The following TIAM1 variants were observed in gnomAD, a reference collection of about 807,000 sequenced individuals.
TIAM1 encodes the protein TIAM Rac1 associated GEF 1, also known as rho guanine nucleotide exchange factor TIAM1.
Under a neutral mutation model 163.5 loss-of-function variants are expected in TIAM1, and 65 were observed. The ratio of observed to expected loss-of-function variants is 0.40; its 90% CI spans 0.33 to 0.49. The LOEUF is 0.49. Among genes scored for constraint, TIAM1 ranks in the 20% least tolerant of loss-of-function variants. The pLI is 0.77. For synonymous variants in TIAM1, 833 were observed against 810.1 expected (o/e 1.03, Z -0.48); for missense variants, 1,789 against 2,044.7 (o/e 0.87, Z 2.41).
intron 13 of TIAM1, among the ~76,000 whole-genome samples, chr21:31,192,067 G>A (rs79437695): frequency 6.6e-6 from 1 of 152,202 alleles, no homozygotes; most frequent in African/African-American, 2.4e-5. Context: ...ATAATAAGCC[G>A]CTCATAAACA....
At chr21:31,215,732 G>A (rs1413104293) in intron 9 of TIAM1, among the ~76,000 whole-genome samples, 1 of 151,978 alleles carries the variant, frequency 6.6e-6, no homozygotes, top group Non-Finnish European at 1.5e-5. Context: ...AAAACCCATG[G>A]AAGCAAGCTC....
intron 6 of TIAM1, among the ~76,000 whole-genome samples, chr21:31,244,388 T>A (rs1392069901): frequency 1.3e-5 from 2 of 152,184 alleles, no homozygotes; most frequent in African/African-American, 2.4e-5. Flanking sequence ...TTATAAAGAT[T>A]TGCTATGTCT....
At chr21:31,166,540 G>C (rs888337779) in intron 15 of TIAM1, among the ~76,000 whole-genome samples, 7 of 152,192 alleles carry the variant, frequency 4.6e-5, no homozygotes, top group Non-Finnish European at 1.0e-4. Flanking sequence ...TTCTTCTCTG[G>C]AATGAAGCAC....
intron 1 of TIAM1, among the ~76,000 whole-genome samples, chr21:31,496,884 TCA>T (rs2046677979): frequency 6.6e-6 from 1 of 152,158 alleles, no homozygotes; most frequent in South Asian, 2.1e-4. Flanking sequence ...GAGGATGGTT[TCA>T]GAATGAAGCT....
At chr21:31,332,804 A>T (rs1602003980) in intron 2 of TIAM1, among the ~76,000 whole-genome samples, 2 of 152,108 alleles carry the variant, frequency 1.3e-5, no homozygotes, top group African/African-American at 4.8e-5. Context: ...CAAAAAAAAA[A>T]AAAGTCTGTT....
At chr21:31,363,157 G>A (rs909827684) in intron 2 of TIAM1, among the ~76,000 whole-genome samples, 1 of 152,040 alleles carries the variant, frequency 6.6e-6, no homozygotes, top group African/African-American at 2.4e-5. Flanking sequence ...TTAAAACTGC[G>A]GACGTCAGCC....
At chr21:31,139,004 C>T (rs368397947) in intron 22 of TIAM1, among the ~76,000 whole-genome samples, 1 of 152,176 alleles carries the variant, frequency 6.6e-6, no homozygotes, top group Admixed American at 6.5e-5. Context: ...TTGCACATTT[C>T]TTTTTACAAT....
chr21:31,435,731 T>C (rs1386461073), intron 2 of TIAM1, among the ~76,000 whole-genome samples: 1 of 152,210 alleles, frequency 6.6e-6, no homozygotes, highest in Non-Finnish European at 1.5e-5. Flanking sequence ...TAATCTCCAA[T>C]GCAACAATGT....
intron 6 of TIAM1, among the ~76,000 whole-genome samples, chr21:31,231,403 T>C (rs992062952): frequency 1.3e-5 from 2 of 152,144 alleles, no homozygotes; most frequent in Non-Finnish European, 2.9e-5. Flanking sequence ...ATCTGATATG[T>C]TCTGTGGAAC....
chr21:31,330,468 T>C (rs1368028981), intron 2 of TIAM1, among the ~76,000 whole-genome samples: 6 of 152,216 alleles, frequency 3.9e-5, no homozygotes, highest in African/African-American at 1.4e-4. Context: ...GGACAGAGTT[T>C]CCCTCTGTAG....
intron 2 of TIAM1, among the ~76,000 whole-genome samples, chr21:31,426,162 C>G (rs1354642535): frequency 6.6e-6 from 1 of 152,112 alleles, no homozygotes; most frequent in Non-Finnish European, 1.5e-5. Flanking sequence ...GGTCTTTTAT[C>G]CCTCACCCAC....
At chr21:31,138,027 C>T (rs2082692289) in intron 22 of TIAM1, among the ~76,000 whole-genome samples, 1 of 151,724 alleles carries the variant, frequency 6.6e-6, no homozygotes, top group Admixed American at 6.6e-5. Context: ...CAGGGTGCTC[C>T]CTCTGGCCAC....
At chr21:31,238,427 G>A (rs1006175819) in intron 6 of TIAM1, among the ~76,000 whole-genome samples, 1 of 152,150 alleles carries the variant, frequency 6.6e-6, no homozygotes, top group African/African-American at 2.4e-5. Context: ...TCAAAACTAA[G>A]ATCCTACGTT....
At chr21:31,338,334 A>G (rs983001988) in intron 2 of TIAM1, among the ~76,000 whole-genome samples, 1 of 152,148 alleles carries the variant, frequency 6.6e-6, no homozygotes, top group African/African-American at 2.4e-5. Flanking sequence ...ACAGTCTCCT[A>G]TTGTGTTCAA....
At chr21:31,305,427 A>T (rs559346538) in intron 2 of TIAM1, among the ~76,000 whole-genome samples, 19 of 152,150 alleles carry the variant, frequency 1.2e-4, no homozygotes, top group South Asian at 4.1e-4. Context: ...AAAAATAAAA[A>T]AAAAAAAAAA....
chr21:31,482,905 A>AT (rs2046161242), intron 1 of TIAM1, among the ~76,000 whole-genome samples: 1 of 152,198 alleles, frequency 6.6e-6, no homozygotes, highest in Non-Finnish European at 1.5e-5. Flanking sequence ...CTACTGTGCC[A>AT]GGCCCTGGGC....
At position 31,453,943 on chromosome 21, in the gene TIAM1, C is replaced by A. The variant is rs573990101; in HGVS notation, c.-369+10040G>T. On this transcript the variant is annotated intron_variant, in intron 2 of 28. Coordinates refer to the TIAM1 transcript ENST00000286827. Reference sequence around the variant, plus strand: ...CCTTTCTGTTGCTCCCACTCCAGCACGAGCTGTTATTACCTCTTCCCAGAA... The same window carrying A: ...CCTTTCTGTTGCTCCCACTCCAGCAAGAGCTGTTATTACCTCTTCCCAGAA... Among the ~76,000 whole-genome samples the A allele has an allele frequency of 3.9e-5, 6 of 152,222 alleles. No homozygotes were observed. The East Asian group carries it at 9.7e-4, about 25-fold the overall frequency.
intron 4 of TIAM1, among the ~76,000 whole-genome samples, chr21:31,262,704 T>C (rs1295828142): frequency 6.6e-6 from 1 of 152,222 alleles, no homozygotes; most frequent in Admixed American, 6.5e-5. Context: ...CCATTTTTGA[T>C]CATTTTCAAA....
At chr21:31,442,182 A>G (rs938925772) in intron 2 of TIAM1, among the ~76,000 whole-genome samples, 2 of 147,468 alleles carry the variant, frequency 1.4e-5, no homozygotes, top group African/African-American at 5.0e-5. Context: ...AGTGAAGCTG[A>G]GAGGGTCAGT....
Sources: gnomAD v4.1 joint callset for allele counts (sites outside exome capture counted in the v4.1 genomes callset) on GRCh38, gnomAD v4.1.1 for gene constraint, MANE v1.5 for transcripts, NCBI Gene and HGNC (gene_info 2026-07-23, HGNC 2026-07-21) for gene names.